The following PDE1C variants were observed in gnomAD, a reference collection of about 807,000 sequenced individuals.
PDE1C encodes dual specificity calcium/calmodulin-dependent 3',5'-cyclic nucleotide phosphodiesterase 1C.
A neutral mutation model predicts 93.1 loss-of-function variants in PDE1C; 62 were observed. The ratio of observed to expected loss-of-function variants is 0.67; its 90% CI spans 0.54 to 0.82. The LOEUF is 0.82. PDE1C is among the 40% of genes least tolerant of loss of function. The pLI is 0.00. For synonymous variants in PDE1C, 325 were observed against 310.1 expected (o/e 1.05, Z -0.50); for missense variants, 742 against 884.6 (o/e 0.84, Z 2.04).
At chr7:32,138,042 A>G (rs1430803302) in intron 3 of PDE1C, among the ~76,000 whole-genome samples, 1 of 152,202 alleles carries the variant, frequency 6.6e-6, no homozygotes, top group Non-Finnish European at 1.5e-5. Context: ...GCCATTTGTC[A>G]GTTATCTCTG....
Position 31,878,045 on chromosome 7 carries a change from C to G in PDE1C, c.426-9G>C, listed in dbSNP as rs778570998. The G allele has an allele frequency of 7.5e-6, 12 of 1,604,126 alleles. 1 individual carries two copies. The highest frequency in any genetic ancestry group is 9.4e-6 in the Non-Finnish European group (11 of 1,172,554). ...ATGTCCGTCTATACATTCTGAAAAG[C>G]CAAAAGGGAAAAATGCAACATGATA... is the stretch of plus-strand genomic sequence containing the variant. On this transcript the variant is annotated splice_polypyrimidine_tract_variant and intron_variant, in intron 4 of 17. Transcript: ENST00000396191.
chr7:31,992,060 A>G (rs1380738066), intron 2 of PDE1C, among the ~76,000 whole-genome samples: 6 of 152,248 alleles, frequency 3.9e-5, no homozygotes, highest in Non-Finnish European at 8.8e-5. Context: ...CATGGCCTGA[A>G]AAAGGACTTG....
At chr7:32,196,649 CT>C (rs1421638309) in intron 2 of PDE1C, among the ~76,000 whole-genome samples, 1 of 152,050 alleles carries the variant, frequency 6.6e-6, no homozygotes, top group African/African-American at 2.4e-5. Context: ...TGTGTGAAGG[CT>C]TTTAAGAGGG....
At chr7:32,314,120 G>T (rs1783116786) in intron 1 of PDE1C, among the ~76,000 whole-genome samples, 1 of 151,938 alleles carries the variant, frequency 6.6e-6, no homozygotes. Flanking sequence ...CTCTTTTTAT[G>T]TGGCTTATTG....
chr7:31,987,697 T>C (rs903931720), intron 2 of PDE1C, among the ~76,000 whole-genome samples: 1 of 152,224 alleles, frequency 6.6e-6, no homozygotes, highest in African/African-American at 2.4e-5. Flanking sequence ...AACAGTGTTA[T>C]ATCGTTAGAA....
chr7:31,856,637 G>A (rs899495752), intron 7 of PDE1C, among the ~76,000 whole-genome samples: 7 of 151,054 alleles, frequency 4.6e-5, no homozygotes, highest in African/African-American at 1.5e-4. Flanking sequence ...ACAATACGTG[G>A]AAGTAAGTGC....
chr7:31,676,645 A>G, the PDE1C span, among the ~76,000 whole-genome samples: 5 of 152,170 alleles, frequency 3.3e-5, no homozygotes, highest in African/African-American at 1.2e-4. Context: ...TCCAAAAACT[A>G]GAAGAAAAAC....
chr7:31,794,069 C>CAGATAGAT (rs1562807857), intron 16 of PDE1C, among the ~76,000 whole-genome samples: 17 of 134,500 alleles, frequency 1.3e-4, no homozygotes, highest in Admixed American at 3.6e-4. Flanking sequence ...GACAGACAGA[C>CAGATAGAT]AGACAGACAG....
chr7:32,158,847 G>A (rs949242734), intron 3 of PDE1C, among the ~76,000 whole-genome samples: 1 of 152,200 alleles, frequency 6.6e-6, no homozygotes, highest in Non-Finnish European at 1.5e-5. Context: ...TCTTTCTCAT[G>A]GCAAACAAGG....
chr7:32,105,806 G>A (rs941359579), intron 3 of PDE1C, among the ~76,000 whole-genome samples: 15 of 150,844 alleles, frequency 9.9e-5, no homozygotes, highest in South Asian at 4.2e-4. Flanking sequence ...GATTACAGGC[G>A]TAAGCCACCA....
intron 2 of PDE1C, among the ~76,000 whole-genome samples, chr7:32,000,078 C>T (rs979662807): frequency 6.6e-6 from 1 of 152,154 alleles, no homozygotes; most frequent in South Asian, 2.1e-4. Context: ...GGGAGATACC[C>T]ACACCTACCT....
chr7:32,407,010 T>C (rs1025032039), intron 1 of PDE1C, among the ~76,000 whole-genome samples: 1 of 152,136 alleles, frequency 6.6e-6, no homozygotes, highest in Non-Finnish European at 1.5e-5. Flanking sequence ...GCGCGGTGGC[T>C]CATGCCTGTA....
intron 14 of PDE1C, among the ~76,000 whole-genome samples, chr7:31,818,340 G>A (rs578002654): frequency 6.6e-6 from 1 of 152,132 alleles, no homozygotes; most frequent in Non-Finnish European, 1.5e-5. Flanking sequence ...GACCACAAAA[G>A]GTTCCCTGGA....
At chr7:31,631,933 G>T in the PDE1C span, among the ~76,000 whole-genome samples, 1 of 151,912 alleles carries the variant, frequency 6.6e-6, no homozygotes, top group Non-Finnish European at 1.5e-5. Context: ...GTGATGGCAG[G>T]TACCTTTGAT....
chr7:32,387,872 C>A (rs556112827), intron 1 of PDE1C, among the ~76,000 whole-genome samples: 15 of 126,066 alleles, frequency 1.2e-4, no homozygotes, highest in South Asian at 2.4e-4. Flanking sequence ...CCCCCTCCCC[C>A]CTCCCGGACG....
chr7:31,851,073 C>CAT (rs1793269925), intron 7 of PDE1C, among the ~76,000 whole-genome samples: 1 of 34,752 alleles, frequency 2.9e-5, no homozygotes, highest in African/African-American at 5.9e-5. Context: ...CACACACACA[C>CAT]ACACACACAC....
intron 2 of PDE1C, among the ~76,000 whole-genome samples, chr7:32,180,405 T>C (rs527599873): frequency 1.3e-5 from 2 of 152,356 alleles, no homozygotes; most frequent in Non-Finnish European, 2.9e-5. Flanking sequence ...ATTAACCTGT[T>C]TTCCTAAATC....
intron 2 of PDE1C, among the ~76,000 whole-genome samples, chr7:31,907,043 A>C (rs1415142661): frequency 6.7e-6 from 1 of 149,400 alleles, no homozygotes; most frequent in Non-Finnish European, 1.5e-5. Context: ...GGACTTGAGA[A>C]TGAGCCAACC....
chr7:32,070,757 C>A, upstream of PDE1C: 1 of 1,059,532 alleles, frequency 9.4e-7, no homozygotes, highest in South Asian at 3.2e-5. Flanking sequence ...GCCACAGAAG[C>A]GATCAGCGCG....
Sources: gnomAD v4.1 joint callset for allele counts (sites outside exome capture counted in the v4.1 genomes callset) on GRCh38, gnomAD v4.1.1 for gene constraint, MANE v1.5 for transcripts, NCBI Gene and HGNC (gene_info 2026-07-23, HGNC 2026-07-21) for gene names.